CPNE8: variants seen among roughly 807,000 people sequenced by gnomAD.
CPNE8 encodes the protein copine-8.
A neutral mutation model predicts 81.5 loss-of-function variants in CPNE8; 45 were observed. The observed-to-expected ratio is 0.55, with a 90% CI of 0.44 to 0.71. The LOEUF (loss-of-function observed/expected upper bound fraction) is 0.71, where lower values mean the gene tolerates loss of function less well. CPNE8 is among the 30% of genes least tolerant of loss of function. The pLI, the probability that CPNE8 is intolerant of heterozygous loss-of-function variation, is 0.00. For missense variants in CPNE8, 594 were observed against 672.1 expected, an observed-to-expected ratio of 0.88 and a Z score of 1.28; for synonymous variants, 252 against 226.3, an observed-to-expected ratio of 1.11 and a Z score of -1.02.
At chr12:38,694,168 T>G (rs937422421) in intron 14 of CPNE8, among the ~76,000 whole-genome samples, 4 of 152,204 alleles carry the variant, frequency 2.6e-5, no homozygotes, top group African/African-American at 9.6e-5. Flanking sequence ...AATCTTTATT[T>G]TTAAACAAAA....
At chr12:38,758,970 C>A (rs1184514225) in intron 10 of CPNE8, among the ~76,000 whole-genome samples, 1 of 152,080 alleles carries the variant, frequency 6.6e-6, no homozygotes, top group African/African-American at 2.4e-5. Context: ...TAAATTTATA[C>A]CCCTTGTTTA....
At chr12:38,728,822 A>G (rs919917634) in intron 11 of CPNE8, among the ~76,000 whole-genome samples, 7 of 152,296 alleles carry the variant, frequency 4.6e-5, no homozygotes, top group South Asian at 4.1e-4. Flanking sequence ...AACTCCTAAA[A>G]TTACTTGTAC....
At chr12:38,768,730 T>A (rs989514699) in intron 7 of CPNE8, among the ~76,000 whole-genome samples, 6 of 151,820 alleles carry the variant, frequency 4.0e-5, no homozygotes, top group African/African-American at 9.7e-5. Context: ...GGTTTCACCG[T>A]GTTAGCCATG....
chr12:38,906,061 T>G (rs144896807), upstream of CPNE8: 143 of 986,624 alleles, frequency 1.4e-4, no homozygotes, highest in African/African-American at 2.4e-3. Context: ...CTCGCCTGAG[T>G]TGAAAGCTGG....
intron 6 of CPNE8, among the ~76,000 whole-genome samples, chr12:38,782,756 C>T (rs185483331): frequency 1.3e-5 from 2 of 152,044 alleles, no homozygotes; most frequent in South Asian, 2.1e-4. Flanking sequence ...TCAGAGCTCA[C>T]TTAAGCCTCA....
At chr12:38,761,038 C>A in intron 9 of CPNE8, 150 bp from the exon 10 acceptor site, 1 of 619,994 alleles carries the variant, frequency 1.6e-6, no homozygotes, top group Non-Finnish European at 2.7e-6. Flanking sequence ...TTGCTAATTT[C>A]ATTACTATAA....
intron 6 of CPNE8, among the ~76,000 whole-genome samples, chr12:38,815,119 G>A (rs1388301807): frequency 1.3e-5 from 2 of 152,132 alleles, no homozygotes; most frequent in Non-Finnish European, 2.9e-5. Context: ...CTCATGTGGT[G>A]TGAGCACTGC....
chr12:38,676,114 T>TAAAAAA, intron 17 of CPNE8: 1 of 270,508 alleles, frequency 3.7e-6, no homozygotes, highest in Non-Finnish European at 5.4e-6. Flanking sequence ...AGAGCCTGTC[T>TAAAAAA]AAAAAAAAAA....
intron 6 of CPNE8, among the ~76,000 whole-genome samples, chr12:38,815,215 C>A (rs891631918): frequency 7.2e-5 from 11 of 152,170 alleles, no homozygotes. Flanking sequence ...GTTCTGTGAC[C>A]CTTCCAAGCA....
intron 1 of CPNE8, among the ~76,000 whole-genome samples, chr12:38,888,516 A>C (rs7311812): frequency 6.6e-6 from 1 of 152,196 alleles, no homozygotes; most frequent in Non-Finnish European, 1.5e-5. Flanking sequence ...AGATTTGCAG[A>C]CTCAATAACA....
chr12:38,806,088 C>A (rs578006981), intron 6 of CPNE8, among the ~76,000 whole-genome samples: 88 of 150,362 alleles, frequency 5.9e-4, no homozygotes, highest in African/African-American at 2.1e-3. Context: ...CAATAACAGG[C>A]TCTGAAATTG....
chr12:38,902,516 C>A (rs946952281), intron 1 of CPNE8, among the ~76,000 whole-genome samples: 2 of 152,150 alleles, frequency 1.3e-5, no homozygotes, highest in African/African-American at 4.8e-5. Flanking sequence ...GTGGGCAAAT[C>A]CTCAGAAGTC....
chr12:38,841,305 T>C (rs926313138), intron 4 of CPNE8, among the ~76,000 whole-genome samples: 1 of 152,190 alleles, frequency 6.6e-6, no homozygotes. Flanking sequence ...AGAGCCACTC[T>C]ATAGAGATCG....
rs538896265 is a variant in CPNE8, at chr12:38,798,159, G to A, written c.408-21858C>T. Among the ~76,000 whole-genome samples the A allele has an allele frequency of 1.8e-3, 269 of 152,250 alleles. 2 individuals are homozygous for A. Among genetic ancestry groups the A allele is most frequent in the Non-Finnish European group, 3.0e-3 (207 of 68,018 alleles). On this transcript the variant is annotated intron_variant, in intron 6 of 19. Transcript: ENST00000331366. ...TATCCAGGAGAACTTCCCCAATCTA[G>A]CAAGGCAGGCCAACATTCAGATTCA... is the stretch of plus-strand genomic sequence containing the variant.
At chr12:38,762,263 A>G (rs760461103) in intron 8 of CPNE8, 47 bp from the exon 9 acceptor site, 2 of 1,112,114 alleles carry the variant, frequency 1.8e-6, no homozygotes, top group Non-Finnish European at 2.6e-6. Flanking sequence ...GACTATTTTA[A>G]TTGATCTATT....
At chr12:38,679,593 T>A in intron 16 of CPNE8, 3 of 985,134 alleles carry the variant, frequency 3.0e-6, no homozygotes, top group Non-Finnish European at 3.6e-6. Flanking sequence ...ACTTTTAAGT[T>A]CTGTCCAATC....
intron 1 of CPNE8, among the ~76,000 whole-genome samples, chr12:38,890,821 C>CA (rs1357847875): frequency 1.3e-5 from 2 of 151,470 alleles, no homozygotes; most frequent in Non-Finnish European, 2.9e-5. Context: ...ATCACACATG[C>CA]AAATTGTCTC....
intron 10 of CPNE8, among the ~76,000 whole-genome samples, chr12:38,748,171 C>T (rs1320004561): frequency 2.0e-5 from 3 of 151,942 alleles, no homozygotes; most frequent in Non-Finnish European, 4.4e-5. Context: ...CCACCACGCC[C>T]AGCTAATTTT....
chr12:38,802,834 G>A lies in CPNE8; in HGVS notation c.408-26533C>T, dbSNP rs1050265731. On this transcript the variant is annotated intron_variant, in intron 6 of 19. Coordinates refer to ENST00000331366, the MANE Select transcript of CPNE8 (RefSeq NM_153634.3). ...AAATGATAAAGGGGATATCACCACC[G>A]ATCCCACAGAAATACAAACTACCAT... Among the ~76,000 whole-genome samples the A allele has an allele frequency of 1.4e-3, 192 of 140,244 alleles. 2 individuals carry two copies. The highest frequency in any genetic ancestry group is 0.011 in the Middle Eastern group (3 of 274). The allele number at this position is 140,244 out of a possible 152,430, so 92.0% of individuals were successfully genotyped here.
Sources: allele counts gnomAD v4.1 joint callset (sites outside exome capture counted in the v4.1 genomes callset), GRCh38; gene constraint gnomAD v4.1.1; transcripts MANE v1.5; gene names NCBI Gene and HGNC (gene_info 2026-07-23, HGNC 2026-07-21).